Variants in SNAI3 observed in about 807,000 individuals in gnomAD.
The protein encoded by SNAI3 is snail family transcriptional repressor 3.
A neutral mutation model predicts 16.4 loss-of-function variants in SNAI3; 21 were observed. That is an observed-to-expected ratio of 1.28 (90% CI 0.91 to 1.85). SNAI3 has a LOEUF of 1.85. SNAI3 is among the 40% of genes most tolerant of loss of function. SNAI3 has a pLI of 0.00. For synonymous variants in SNAI3, 202 were observed against 166.6 expected (o/e 1.21, Z -1.64); for missense variants, 457 against 372.8 (o/e 1.23, Z -1.86).
Position 88,681,685 on chromosome 16 carries a change from C to G in SNAI3, c.106G>C (p.Gly36Arg). 6.8e-7 allele frequency: 1 copy of G among 1,471,922 alleles called. No individual in the cohort carries two copies. 91.2% of individuals were successfully genotyped at this position (1,471,922 alleles called of 1,614,324 possible). A position where few individuals can be genotyped will look rare whatever the true frequency, so the allele number is the denominator to read the frequency against. ...EINGACSACG[G>R]LVVPLLPRDK... Reference sequence around the variant, plus strand: ...CGGGGGAGGAGGGGCACCACCAGCCCCCCACAGGCAGAGCAGGCACCATTG... The same window carrying G: ...CGGGGGAGGAGGGGCACCACCAGCCGCCCACAGGCAGAGCAGGCACCATTG... The change falls in exon 2 of 3, where the codon GGG becomes CGG. Residue 36 changes from glycine to arginine, a missense_variant. Coordinates refer to ENST00000332281, the MANE Select transcript of SNAI3 (RefSeq NM_178310.4). The surrounding 1 kb of genome is among the most constrained non-coding windows in gnomAD (Gnocchi z 5.4).
Position 88,678,890 on chromosome 16 carries a change from G to A in SNAI3, c.698-261C>T, listed in dbSNP as rs549666499. On this transcript the variant is annotated intron_variant, in intron 2 of 2. Coordinates refer to ENST00000332281, the MANE Select transcript of SNAI3 (RefSeq NM_178310.4). ...GGGCCCTTGGCCACTGGGAGAGGAC[G>A]GGAGAAGCACTGGGGGCCTCTGGCA... is the stretch of plus-strand genomic sequence containing the variant. 169 of 985,450 alleles carry A rather than the reference G, an allele frequency of 1.7e-4. 1 individual carries two copies. The African/African-American group carries it at 2.4e-3, about 14-fold the overall frequency. 61.0% of individuals were successfully genotyped at this position (985,450 alleles called of 1,614,324 possible). A position where few individuals can be genotyped will look rare whatever the true frequency, so the allele number is the denominator to read the frequency against.
intron 1 of SNAI3, chr16:88,685,341 G>A (rs1213656105): frequency 6.6e-6 from 1 of 152,188 alleles, no homozygotes; most frequent in Non-Finnish European, 1.5e-5. Flanking sequence ...CTCGGGTGTG[G>A]GTCCAGGTGG....
chr16:88,682,762 A>AT (rs71158747), intron 1 of SNAI3, among the ~76,000 whole-genome samples: 766 of 60,654 alleles, frequency 0.013, 92 homozygotes, highest in South Asian at 0.032. Context: ...TGGGCAAGGG[A>AT]TTTTTTTTTT....
intron 1 of SNAI3, among the ~76,000 whole-genome samples, chr16:88,684,698 G>A (rs989015948): frequency 6.6e-6 from 1 of 152,204 alleles, no homozygotes; most frequent in Non-Finnish European, 1.5e-5. Flanking sequence ...GTTTCGCCAT[G>A]TTGGCTGGTT....
chr16:88,684,484 A>G (rs1220413388), intron 1 of SNAI3, among the ~76,000 whole-genome samples: 1 of 151,978 alleles, frequency 6.6e-6, no homozygotes, highest in Non-Finnish European at 1.5e-5. Context: ...GATCCTGGGG[A>G]GAAGACACTG....
intron 1 of SNAI3, among the ~76,000 whole-genome samples, chr16:88,684,627 C>A (rs1909294684): frequency 6.6e-6 from 1 of 152,186 alleles, no homozygotes; most frequent in Non-Finnish European, 1.5e-5. Flanking sequence ...TCCTGAGTAT[C>A]TGGGATTATA....
chr16:88,678,943 G>T (rs918329826), intron 2 of SNAI3: 12 of 984,886 alleles, frequency 1.2e-5, no homozygotes, highest in East Asian at 1.1e-4. Context: ...ACAGGCAAGT[G>T]GGGGGGTCTG....
chr16:88,681,666 A>G lies in SNAI3; in HGVS notation c.125T>C (p.Leu42Pro). 6.8e-7 allele frequency: 1 copy of G among 1,473,856 alleles called. No individual in the cohort carries two copies. Among genetic ancestry groups the G allele is most frequent in the African/African-American group, 1.4e-5 (1 of 70,746 alleles). 91.3% of individuals were successfully genotyped at this position (1,473,856 alleles called of 1,614,324 possible). The change falls in exon 2 of 3, where the codon CTC becomes CCC. Residue 42 changes from leucine (L) to proline (P), a missense_variant. Coordinates refer to ENST00000332281, the MANE Select transcript of SNAI3 (RefSeq NM_178310.4). This position sits in a 1 kb window ranked among gnomAD's most constrained non-coding sequence, Gnocchi z 5.4. The stretch of plus-strand genomic sequence containing the variant: ...AGAAGGGGCCTCCTTGTCTCGGGGG[A>G]GGAGGGGCACCACCAGCCCCCCACA... ...SACGGLVVPL[L>P]PRDKEAPSVP... is the part of the protein sequence containing the mutation.
chr16:88,678,288 C>CT lies in SNAI3; in HGVS notation c.*159_*160insA, dbSNP rs1011418352. 7 of 580,592 alleles carry CT rather than the reference C, an allele frequency of 1.2e-5. No homozygotes were observed. The highest frequency in any genetic ancestry group is 8.8e-5 in the East Asian group (3 of 34,166). 36.0% of individuals were successfully genotyped at this position (580,592 alleles called of 1,614,324 possible). ...GAGTGTCCTCCGGCCCAGTGGCCCC[C>CT]GCTGGACTTCTTTGGTTCTGATTGG... is the stretch of plus-strand genomic sequence containing the variant. On this transcript the variant is annotated 3_prime_UTR_variant, in exon 3 of 3. Transcript: ENST00000332281.
chr16:88,679,051 C>T (rs900786776), intron 2 of SNAI3: 19 of 985,460 alleles, frequency 1.9e-5, no homozygotes, highest in Non-Finnish European at 2.3e-5. Context: ...GGGATCTGGA[C>T]AAAGTCCTGC....
At position 88,686,476 on chromosome 16, in the gene SNAI3, G is replaced by C; in HGVS notation, c.-70C>G. On this transcript the variant is annotated 5_prime_UTR_variant, in exon 1 of 3. Transcript: ENST00000332281. ...GGCGCGCCTGGGTCCGGACTGCTGCGTCCGCCGGCGCTTGAAGGGGTCAGG... is the reference window on the plus strand; with the variant it reads ...GGCGCGCCTGGGTCCGGACTGCTGCCTCCGCCGGCGCTTGAAGGGGTCAGG... The C allele has an allele frequency of 8.3e-6, 13 of 1,571,450 alleles. No individual in the cohort carries two copies. Among genetic ancestry groups the C allele is most frequent in the Non-Finnish European group, 1.1e-5 (13 of 1,165,004 alleles).
In SNAI3 at chr16:88,681,129, G is replaced by A. The variant is rs1239980099; in HGVS notation, c.662C>T (p.Pro221Leu). The change falls in exon 2 of 3, where the codon CCC becomes CTC. Residue 221 changes from proline to leucine, a missense_variant. Transcript: ENST00000332281. The surrounding 1 kb of genome is among the most constrained non-coding windows in gnomAD (Gnocchi z 5.4). ...CKICGKAFSRPWLLQGHVRTH... is the reference protein window; with the variant it reads ...CKICGKAFSRLWLLQGHVRTH... ...GCGGACATGGCCCTGCAGTAACCAG[G>A]GCCTGGAGAAGGCCTTGCCACAGAT... 1.2e-6 allele frequency: 2 copies of A among 1,613,546 alleles called. No individual in the cohort carries two copies. Among genetic ancestry groups the A allele is most frequent in the East Asian group, 2.2e-5 (1 of 44,870 alleles).
chr16:88,679,181 T>C lies in SNAI3; in HGVS notation c.698-552A>G, dbSNP rs569447708. ...CAGCCCCTGAGGGGCCCAGAGCACC[T>C]GCATTCCTGCTGGTGGGACACTGGG... is the stretch of plus-strand genomic sequence containing the variant. On this transcript the variant is annotated intron_variant, in intron 2 of 2. Transcript: ENST00000332281. 55 of 807,854 alleles carry C rather than the reference T, an allele frequency of 6.8e-5. 1 individual carries two copies. In the African/African-American group the frequency reaches 9.5e-4, roughly 14 times the overall value. 50.0% of individuals were successfully genotyped at this position (807,854 alleles called of 1,614,324 possible). A position where few individuals can be genotyped will look rare whatever the true frequency, so the allele number is the denominator to read the frequency against.
intron 2 of SNAI3, 101 bp downstream of exon 2, chr16:88,680,993 T>A (rs1909143059): frequency 6.8e-7 from 1 of 1,469,224 alleles, no homozygotes; most frequent in Non-Finnish European, 9.2e-7. Flanking sequence ...TGAATGCCCA[T>A]GCTATTGTTT....
In SNAI3 at chr16:88,686,410, C is replaced by G. The variant is rs777416169; in HGVS notation, c.-4G>C. On this transcript the variant is annotated 5_prime_UTR_variant, in exon 1 of 3. Transcript: ENST00000332281. The stretch of plus-strand genomic sequence containing the variant: ...TCACCAGGAAGGAGCGCGGCATGTT[C>G]CCCTCCCGGGCGGCAGGCCGGGGTG... 3 of 1,610,034 alleles carry G rather than the reference C, an allele frequency of 1.9e-6. No homozygotes were observed. The highest frequency in any genetic ancestry group is 1.7e-5 in the Admixed American group (1 of 59,964).
intron 1 of SNAI3, among the ~76,000 whole-genome samples, chr16:88,684,122 G>T (rs1313529394): frequency 1.3e-5 from 2 of 152,216 alleles, no homozygotes; most frequent in African/African-American, 4.8e-5. Context: ...GAGTCATCAG[G>T]TTTCTGTCCA....
rs368824297 is a variant in SNAI3 at position 88,681,783 on chromosome 16, C to CG, written c.77-70_77-69insC. 482 of 1,339,706 alleles carry CG rather than the reference C, an allele frequency of 3.6e-4. 5 individuals carry two copies. In the East Asian group the frequency reaches 0.012, roughly 33 times the overall value. 83.0% of individuals were successfully genotyped at this position (1,339,706 alleles called of 1,614,324 possible). Reference sequence around the variant, plus strand: ...CCCCAGCACTTTGTGTTTTCCAACTCTGATTCGTGGACCCAGTCACAGCCC... The same window carrying CG: ...CCCCAGCACTTTGTGTTTTCCAACTCGTGATTCGTGGACCCAGTCACAGCCC... On this transcript the variant is annotated intron_variant, in intron 1 of 2. Coordinates refer to ENST00000332281, the MANE Select transcript of SNAI3 (RefSeq NM_178310.4). The surrounding 1 kb of genome is among the most constrained non-coding windows in gnomAD (Gnocchi z 5.4).
chr16:88,682,762 ATTTTTTTTTTTTT>A (rs71158747), intron 1 of SNAI3, among the ~76,000 whole-genome samples: 61 of 60,700 alleles, frequency 1.0e-3, no homozygotes, highest in Middle Eastern at 0.021. Context: ...TGGGCAAGGG[ATTTTTTTTTTTTT>A]TTTTTTTTTT....
intron 1 of SNAI3, among the ~76,000 whole-genome samples, chr16:88,684,469 G>A (rs1909287307): frequency 6.6e-6 from 1 of 152,158 alleles, no homozygotes; most frequent in African/African-American, 2.4e-5. Flanking sequence ...TCATGCTGCG[G>A]TCCAGATCCT....
Sources: allele counts gnomAD v4.1 joint callset (sites outside exome capture counted in the v4.1 genomes callset), GRCh38; gene constraint gnomAD v4.1.1; non-coding constraint Gnocchi (gnomAD v3.1); transcripts MANE v1.5; gene names NCBI Gene and HGNC (gene_info 2026-07-23, HGNC 2026-07-21).